The following VARS1 variants were observed in gnomAD, a reference collection of about 807,000 sequenced individuals.
The protein encoded by VARS1 is valyl-tRNA synthetase 1.
VARS1 carries 92 observed loss-of-function variants against 161.0 expected under a neutral mutation model. That is an observed-to-expected ratio of 0.57 (90% CI 0.48 to 0.68). The LOEUF is 0.68. Among genes scored for constraint, VARS1 ranks in the 30% least tolerant of loss-of-function variants. VARS1 has a pLI of 0.00. For missense variants in VARS1, 1,338 were observed against 1,695.9 expected, an observed-to-expected ratio of 0.79 and a Z score of 3.71; for synonymous variants, 595 against 682.5, an observed-to-expected ratio of 0.87 and a Z score of 2.00.
At position 31,779,860 on chromosome 6, in the gene VARS1, GA is replaced by G. The variant is rs1325294109; in HGVS notation, c.3082-47del. On this transcript the variant is annotated intron_variant, in intron 26 of 29. Coordinates refer to ENST00000375663, the MANE Select transcript of VARS1 (RefSeq NM_006295.3). This position sits in a 1 kb window ranked among gnomAD's most constrained non-coding sequence, Gnocchi z 9.1. Reference sequence around the variant, plus strand: ...GGCTCACGGCTGGAGGTCTAGCCTTGAGCCCTCGCTGTGCCTGTGAGGACTG... The same window carrying G: ...GGCTCACGGCTGGAGGTCTAGCCTTGGCCCTCGCTGTGCCTGTGAGGACTG... 1 of 1,607,868 alleles carries G rather than the reference GA, an allele frequency of 6.2e-7. No individual in the cohort carries two copies. Among genetic ancestry groups the G allele is most frequent in the Non-Finnish European group, 8.5e-7 (1 of 1,176,616 alleles).
rs1813984291 is a variant in VARS1, at chr6:31,792,905, GAAAT to G, written c.523-14_523-11del. The G allele has an allele frequency of 6.2e-7, 1 of 1,614,158 alleles. No homozygotes were observed. Among genetic ancestry groups the G allele is most frequent in the Non-Finnish European group, 8.5e-7 (1 of 1,180,038 alleles). On this transcript the variant is annotated splice_polypyrimidine_tract_variant and intron_variant, in intron 3 of 29. Coordinates refer to ENST00000375663, the MANE Select transcript of VARS1 (RefSeq NM_006295.3). Reference sequence around the variant, plus strand: ...CAGGTGGGTCTAGGACCTGGAACAGGAAATAAATGACTCTTCTCAGTCACCCTAC... The same window carrying G: ...CAGGTGGGTCTAGGACCTGGAACAGGAAATGACTCTTCTCAGTCACCCTAC...
At position 31,778,825 on chromosome 6, in the gene VARS1, A is replaced by T; in HGVS notation, c.3726+142T>A. The stretch of plus-strand genomic sequence containing the variant: ...CCAGGCTGTTTTGTTTTTTAAGGCT[A>T]GTGGGAGTGGAGAAGGAACAAAGAA... On this transcript the variant is annotated intron_variant, in intron 29 of 29. Coordinates refer to ENST00000375663, the MANE Select transcript of VARS1 (RefSeq NM_006295.3). This position sits in a 1 kb window ranked among gnomAD's most constrained non-coding sequence, Gnocchi z 5.1. 8.7e-7 allele frequency: 1 copy of T among 1,151,642 alleles called. No individual in the cohort carries two copies. Among genetic ancestry groups the T allele is most frequent in the Non-Finnish European group, 1.2e-6 (1 of 818,132 alleles). The allele number at this position is 1,151,642 out of a possible 1,614,324, so 71.3% of individuals were successfully genotyped here. A position where few individuals can be genotyped will look rare whatever the true frequency, so the allele number is the denominator to read the frequency against.
In VARS1 at chr6:31,782,052, G is replaced by C. The variant is rs752569643; in HGVS notation, c.2241+35C>G. 1.9e-6 allele frequency: 3 copies of C among 1,612,482 alleles called. No homozygotes were observed. Among genetic ancestry groups the C allele is most frequent in the Non-Finnish European group, 2.5e-6 (3 of 1,179,096 alleles). ...CCCAGTAAACCCACCACTCCAGCAG[G>C]GTGTCCCAGCAGCTAGCTCTGGCCC... On this transcript the variant is annotated intron_variant, in intron 18 of 29. Transcript: ENST00000375663. The surrounding 1 kb of genome is among the most constrained non-coding windows in gnomAD (Gnocchi z 8.3).
rs1287698999 is a variant in VARS1, at chr6:31,791,541, GC to G, written c.1100+68del. On this transcript the variant is annotated intron_variant, in intron 8 of 29. Transcript: ENST00000375663. The surrounding 1 kb of genome is among the most constrained non-coding windows in gnomAD (Gnocchi z 5.0). The stretch of plus-strand genomic sequence containing the variant: ...ACCCAGAAGGAGAGAGGCTCGGGGG[GC>G]TGTCAGGGAAAAGGAGAGAGCCAGA... 1 of 1,534,590 alleles carries G rather than the reference GC, an allele frequency of 6.5e-7. No individual in the cohort carries two copies. Among genetic ancestry groups the G allele is most frequent in the African/African-American group, 1.4e-5 (1 of 72,860 alleles).
chr6:31,792,508 C>A lies in VARS1; in HGVS notation c.670G>T (p.Ala224Ser), dbSNP rs1426980424. 1 of 1,613,512 alleles carries A rather than the reference C, an allele frequency of 6.2e-7. No individual in the cohort carries two copies. Among genetic ancestry groups the A allele is most frequent in the African/African-American group, 1.3e-5 (1 of 74,700 alleles). Residue 224 changes from alanine (A) to serine (S), a missense_variant, in exon 5 of 30, where the codon GCT (alanine) becomes TCT (serine). Transcript: ENST00000375663. ...GCAGCTGTCTTTGGGAGGGCAGGAG[C>A]CTCGGGGCCTAGAGAGAGGTGCAGA... ...RPLSHQPGPEAPALPKTAAQL... is the reference protein window; with the variant it reads ...RPLSHQPGPESPALPKTAAQL...
In VARS1 at chr6:31,779,249, C is replaced by T. The variant is rs748250986; in HGVS notation, c.3444G>A (p.Ser1148=). ...VADEATGALA[S]AVSGYVQALA... ...GGGCCTGCACGTAGCCCGACACCGC[C>T]GATGCCAGGGCGCCCGTGGCCTCAT... is the stretch of plus-strand genomic sequence containing the variant. Residue 1148 remains serine (S), a synonymous_variant, in exon 29 of 30, where the codon TCG becomes TCA. Transcript: ENST00000375663. The surrounding 1 kb of genome is among the most constrained non-coding windows in gnomAD (Gnocchi z 9.1). The T allele has an allele frequency of 1.2e-5, 19 of 1,605,048 alleles. No homozygotes were observed. Among genetic ancestry groups the T allele is most frequent in the African/African-American group, 2.7e-5 (2 of 74,926 alleles).
In VARS1 at chr6:31,779,042, A is replaced by ACGCTGGGCCTGC; in HGVS notation, c.3639_3650dup (p.Gln1214_Arg1217dup). On this transcript the variant is annotated inframe_insertion, in exon 29 of 30. Coordinates refer to ENST00000375663, the MANE Select transcript of VARS1 (RefSeq NM_006295.3). This position sits in a 1 kb window ranked among gnomAD's most constrained non-coding sequence, Gnocchi z 9.1. ...CCGAGGCAGCACGGCGTTCCCGCAG[A>ACGCTGGGCCTGC]CGCTGGGCCTGCCGCTGGGCCTCAA... is the stretch of plus-strand genomic sequence containing the variant. The ACGCTGGGCCTGC allele has an allele frequency of 2.5e-6, 4 of 1,612,722 alleles. No individual in the cohort carries two copies. The highest frequency in any genetic ancestry group is 3.4e-6 in the Non-Finnish European group (4 of 1,179,978).
At position 31,779,992 on chromosome 6, in the gene VARS1, TC is replaced by T; in HGVS notation, c.3081+5del. On this transcript the variant is annotated splice_donor_5th_base_variant and intron_variant, in intron 26 of 29. Coordinates refer to ENST00000375663, the MANE Select transcript of VARS1 (RefSeq NM_006295.3). The surrounding 1 kb of genome is among the most constrained non-coding windows in gnomAD (Gnocchi z 9.1). Reference sequence around the variant, plus strand: ...CCATCCCCTGCCCCGCTGTGCTCCTTCTCACCAAGTAGACATCACAGAGCTC... The same window carrying T: ...CCATCCCCTGCCCCGCTGTGCTCCTTTCACCAAGTAGACATCACAGAGCTC... The T allele has an allele frequency of 1.2e-6, 2 of 1,613,738 alleles. No individual in the cohort carries two copies. The highest frequency in any genetic ancestry group is 1.7e-6 in the Non-Finnish European group (2 of 1,179,954).
At chr6:31,792,170 A>G (rs1181013921) in intron 6 of VARS1, 47 bp downstream of exon 6, 1 of 1,602,178 alleles carries the variant, frequency 6.2e-7, no homozygotes, top group African/African-American at 1.3e-5. Flanking sequence ...TAGGGTGAAA[A>G]CTTAGAAGGG....
Position 31,781,037 on chromosome 6 carries a change from G to A in VARS1, c.2631C>T (p.Ile877=), listed in dbSNP as rs1241876990. The stretch of plus-strand genomic sequence containing the variant: ...AGCCCACCTGCAGGGAGATTCCATA[G>A]ATGACGTCCAGGGGATCGATGACAT... The part of the protein sequence containing the change: ...LGNVIDPLDV[I]YGISLQGLHN... The change falls in exon 22 of 30, where the codon ATC becomes ATT. Residue 877 remains isoleucine (I), a synonymous_variant. Coordinates refer to ENST00000375663, the MANE Select transcript of VARS1 (RefSeq NM_006295.3). This position sits in a 1 kb window ranked among gnomAD's most constrained non-coding sequence, Gnocchi z 6.8. 6.2e-7 allele frequency: 1 copy of A among 1,614,076 alleles called. No homozygotes were observed. Among genetic ancestry groups the A allele is most frequent in the Admixed American group, 1.7e-5 (1 of 60,022 alleles).
In VARS1 at chr6:31,794,921, C is replaced by A. The variant is rs777278429; in HGVS notation, c.297G>T (p.Trp99Cys). ...GSRAAVLVQQ[W>C]VSYADTELIP... ...TTAACTCCGTGTCGGCGTAACTGACCCACTGTTGGACAAGGACAGCCGCCC... is the reference window on the plus strand; with the variant it reads ...TTAACTCCGTGTCGGCGTAACTGACACACTGTTGGACAAGGACAGCCGCCC... Residue 99 changes from tryptophan (W) to cysteine (C), a missense_variant, in exon 2 of 30, where the codon TGG becomes TGT. By Grantham distance (215) the Trp-to-Cys change is radical (BLOSUM62 -2). Transcript: ENST00000375663. 1 of 1,612,890 alleles carries A rather than the reference C, an allele frequency of 6.2e-7. No homozygotes were observed. Among genetic ancestry groups the A allele is most frequent in the South Asian group, 1.1e-5 (1 of 91,078 alleles).
intron 4 of VARS1, 31 bp from the exon 5 acceptor site, chr6:31,792,547 C>A (rs879263240): frequency 6.2e-7 from 1 of 1,613,632 alleles, no homozygotes; most frequent in Non-Finnish European, 8.5e-7. Context: ...TCAGACTCAG[C>A]CAGCTGGGGA....
rs576487852 is a variant in VARS1 at position 31,780,270 on chromosome 6, A to G, written c.2926-117T>C. On this transcript the variant is annotated intron_variant, in intron 25 of 29. Coordinates refer to ENST00000375663, the MANE Select transcript of VARS1 (RefSeq NM_006295.3). The surrounding 1 kb of genome is among the most constrained non-coding windows in gnomAD (Gnocchi z 5.1). ...TCTGATGAGTCCAAAGCAACCACCTATGTGCCAGGATCTGGGAAGAAGTGA... is the reference window on the plus strand; with the variant it reads ...TCTGATGAGTCCAAAGCAACCACCTGTGTGCCAGGATCTGGGAAGAAGTGA... 9.2e-6 allele frequency: 14 copies of G among 1,525,858 alleles called. No individual in the cohort carries two copies. In the African/African-American group the frequency reaches 1.5e-4, roughly 16 times the overall value. The allele number at this position is 1,525,858 out of a possible 1,614,324, so 94.5% of individuals were successfully genotyped here.
Position 31,780,753 on chromosome 6 carries a change from A to G in VARS1, c.2749T>C (p.Cys917Arg), listed in dbSNP as rs1813086876. ...KADFPAGIPE[C>R]GTDALRFGLC... Reference sequence around the variant, plus strand: ...CCAAACCGGAGAGCATCGGTGCCACATTCAGGAATCCCCGCTGGGAAGTCA... The same window carrying G: ...CCAAACCGGAGAGCATCGGTGCCACGTTCAGGAATCCCCGCTGGGAAGTCA... Residue 917 changes from cysteine to arginine, a missense_variant, in exon 24 of 30, where the codon TGT becomes CGT. Physicochemically the swap from Cys to Arg is radical, Grantham distance 180. This residue lies in a region of VARS1 where 433 missense variants were observed against 586.2 expected (regional missense o/e 0.74). Transcript: ENST00000375663. This position sits in a 1 kb window ranked among gnomAD's most constrained non-coding sequence, Gnocchi z 5.1. 6.2e-7 allele frequency: 1 copy of G among 1,614,096 alleles called. No individual in the cohort carries two copies.
Position 31,779,808 on chromosome 6 carries a change from G to C in VARS1, c.3088C>G (p.Leu1030Val). Reference sequence around the variant, plus strand: ...TCCACCCCATTCAGTACAGGTTTCAGGCACTCCTAGGGGACGAGAGGTACA... The same window carrying C: ...TCCACCCCATTCAGTACAGGTTTCACGCACTCCTAGGGGACGAGAGGTACA... ...YELCDVYLEC[L>V]KPVLNGVDQV... Residue 1030 changes from leucine (L) to valine (V), a missense_variant, in exon 27 of 30, where the codon CTG becomes GTG. Leu to Val is a conservative substitution (Grantham distance 32). This residue lies in a region of VARS1 where 433 missense variants were observed against 586.2 expected (regional missense o/e 0.74). Coordinates refer to ENST00000375663, the MANE Select transcript of VARS1 (RefSeq NM_006295.3). This position sits in a 1 kb window ranked among gnomAD's most constrained non-coding sequence, Gnocchi z 9.1. 6.2e-7 allele frequency: 1 copy of C among 1,612,932 alleles called. No individual in the cohort carries two copies. The highest frequency in any genetic ancestry group is 8.5e-7 in the Non-Finnish European group (1 of 1,179,968).
At position 31,791,531 on chromosome 6, in the gene VARS1, G is replaced by C; in HGVS notation, c.1100+79C>G. 1.3e-6 allele frequency: 2 copies of C among 1,519,348 alleles called. No homozygotes were observed. The allele number at this position is 1,519,348 out of a possible 1,614,324, so 94.1% of individuals were successfully genotyped here. A position where few individuals can be genotyped will look rare whatever the true frequency, so the allele number is the denominator to read the frequency against. ...GTGAGCACCAACCCAGAAGGAGAGA[G>C]GCTCGGGGGGCTGTCAGGGAAAAGG... On this transcript the variant is annotated intron_variant, in intron 8 of 29. Transcript: ENST00000375663. This position sits in a 1 kb window ranked among gnomAD's most constrained non-coding sequence, Gnocchi z 5.0.
At position 31,785,118 on chromosome 6, in the gene VARS1, G is replaced by T; in HGVS notation, c.1347+128C>A. ...GGTGGGAAGTGGCATTTGCAGCTGA[G>T]CCCTCCATGGTGTTTTACATGGGCC... On this transcript the variant is annotated intron_variant, in intron 10 of 29. Transcript: ENST00000375663. The surrounding 1 kb of genome is among the most constrained non-coding windows in gnomAD (Gnocchi z 6.1). 9.4e-7 allele frequency: 1 copy of T among 1,061,500 alleles called. No individual in the cohort carries two copies. Among genetic ancestry groups the T allele is most frequent in the Non-Finnish European group, 1.4e-6 (1 of 717,850 alleles). 65.8% of individuals were successfully genotyped at this position (1,061,500 alleles called of 1,614,324 possible). A position where few individuals can be genotyped will look rare whatever the true frequency, so the allele number is the denominator to read the frequency against.
intron 6 of VARS1, 119 bp from the exon 7 acceptor site, chr6:31,792,090 G>T: frequency 6.9e-7 from 1 of 1,456,320 alleles, no homozygotes; most frequent in Non-Finnish European, 9.3e-7. Context: ...CATTTGAGGG[G>T]CCTAGAGGCA....
In VARS1 at chr6:31,778,873, T is replaced by G; in HGVS notation, c.3726+94A>C. ...GAAATCTGTAACTGGTTACGATCAA[T>G]TAGTTGTCAACACCACTGCACTCGG... On this transcript the variant is annotated intron_variant, in intron 29 of 29. Coordinates refer to ENST00000375663, the MANE Select transcript of VARS1 (RefSeq NM_006295.3). This position sits in a 1 kb window ranked among gnomAD's most constrained non-coding sequence, Gnocchi z 5.1. 1.3e-6 allele frequency: 2 copies of G among 1,486,492 alleles called. No homozygotes were observed. Among genetic ancestry groups the G allele is most frequent in the Non-Finnish European group, 1.8e-6 (2 of 1,081,676 alleles). 92.1% of individuals were successfully genotyped at this position (1,486,492 alleles called of 1,614,324 possible). A position where few individuals can be genotyped will look rare whatever the true frequency, so the allele number is the denominator to read the frequency against.
Sources: allele counts gnomAD v4.1 joint callset, GRCh38; gene constraint gnomAD v4.1.1; regional missense constraint gnomAD v4.1.1; non-coding constraint Gnocchi (gnomAD v3.1); transcripts MANE v1.5; gene names NCBI Gene and HGNC (gene_info 2026-07-23, HGNC 2026-07-21).